The following CYB5A variants were observed in gnomAD, a reference collection of about 807,000 sequenced individuals.
The protein encoded by CYB5A is cytochrome b5 type A, also known as cytochrome b5.
Under a neutral mutation model 16.2 loss-of-function variants are expected in CYB5A, and 10 were observed. The observed-to-expected ratio is 0.62, with a 90% confidence interval of 0.38 to 1.04. The LOEUF (loss-of-function observed/expected upper bound fraction) is 1.04. CYB5A is among the 50% of genes least tolerant of loss of function. The pLI, the probability that CYB5A is intolerant of heterozygous loss-of-function variation, is 0.01. For missense variants in CYB5A, 161 were observed against 165.9 expected (o/e 0.97, Z 0.16); for synonymous variants, 62 against 57.0 (o/e 1.09, Z -0.40).
intron 3 of CYB5A, chr18:74,259,409 A>G (rs1191321775): frequency 2.6e-5 from 4 of 152,248 alleles, no homozygotes; most frequent in Non-Finnish European, 5.9e-5. Context: ...ACTTTAAAAT[A>G]GAAAATAAGA....
chr18:74,260,705 T>C (rs1004276121), intron 3 of CYB5A: 36 of 641,100 alleles, frequency 5.6e-5, no homozygotes, highest in Middle Eastern at 2.7e-4. Context: ...CTGACAGCCT[T>C]AAAAAAATTA....
At chr18:74,287,093 T>C (rs1231971172) in intron 1 of CYB5A, among the ~76,000 whole-genome samples, 1 of 152,170 alleles carries the variant, frequency 6.6e-6, no homozygotes, top group Non-Finnish European at 1.5e-5. Context: ...TTACCCAAGA[T>C]GCCTAAGCCA....
intron 3 of CYB5A, chr18:74,259,918 T>G (rs184527249): frequency 4.1e-5 from 6 of 148,114 alleles, no homozygotes; most frequent in African/African-American, 1.5e-4. Flanking sequence ...ACATTGAACT[T>G]AAGTCTTTCT....
chr18:74,261,631 A>G (rs1982202924), intron 2 of CYB5A: 1 of 152,762 alleles, frequency 6.5e-6, no homozygotes, highest in Non-Finnish European at 1.5e-5. Flanking sequence ...ACTCCCTCAA[A>G]GTACATATCT....
At chr18:74,264,479 T>C (rs774304512) in intron 1 of CYB5A, among the ~76,000 whole-genome samples, 8 of 33,802 alleles carry the variant, frequency 2.4e-4, no homozygotes, top group Non-Finnish European at 6.8e-4. Context: ...AAGATGACGA[T>C]TCACAAGAGG....
At chr18:74,289,107 T>C (rs1983431160) in intron 1 of CYB5A, among the ~76,000 whole-genome samples, 1 of 152,196 alleles carries the variant, frequency 6.6e-6, no homozygotes. Flanking sequence ...ACTCACGCCA[T>C]CCTCCTAGCC....
intron 1 of CYB5A, among the ~76,000 whole-genome samples, chr18:74,268,209 T>C (rs994131950): frequency 8.5e-5 from 13 of 152,238 alleles, no homozygotes; most frequent in African/African-American, 2.9e-4. Flanking sequence ...AAAGGAAATG[T>C]CCTCAGGTGA....
chr18:74,286,624 CA>C (rs1234503746), intron 1 of CYB5A, among the ~76,000 whole-genome samples: 1 of 152,200 alleles, frequency 6.6e-6, no homozygotes, highest in Admixed American at 6.5e-5. Context: ...TGCCCAAGGT[CA>C]CCTCCATGAT....
rs1278170947 is a variant in CYB5A at position 74,264,490 on chromosome 18, C to CAG, written c.130-1014_130-1013insCT. Among the ~76,000 whole-genome samples the CAG allele has an allele frequency of 3.1e-4, 5 of 15,928 alleles. No individual in the cohort carries two copies. The Non-Finnish European group carries it at 4.7e-3, about 15-fold the overall frequency. The allele number at this position is 15,928 out of a possible 152,430, so 10.4% of individuals were successfully genotyped here. On this transcript the variant is annotated intron_variant, in intron 1 of 4. Transcript: ENST00000340533. Reference sequence around the variant, plus strand: ...GCCTAAGATGACGATTCACAAGAGGCACGTGTGTCACTTCCCTCTGGAAAG... The same window carrying CAG: ...GCCTAAGATGACGATTCACAAGAGGCAGACGTGTGTCACTTCCCTCTGGAAAG...
intron 1 of CYB5A, among the ~76,000 whole-genome samples, chr18:74,266,736 G>A (rs1982448229): frequency 1.1e-5 from 1 of 87,294 alleles, no homozygotes; most frequent in African/African-American, 4.0e-5. Context: ...ACCATTTGTG[G>A]GGCAATTTTC....
intron 1 of CYB5A, among the ~76,000 whole-genome samples, chr18:74,274,181 C>T (rs1982778924): frequency 6.6e-6 from 1 of 152,202 alleles, no homozygotes; most frequent in Admixed American, 6.5e-5. Context: ...TCACAGTCAG[C>T]TGTAAAATAA....
At chr18:74,254,208 A>G (rs1981877064) in intron 4 of CYB5A, among the ~76,000 whole-genome samples, 1 of 152,082 alleles carries the variant, frequency 6.6e-6, no homozygotes, top group African/African-American at 2.4e-5. Context: ...AAACAAACCA[A>G]AAAATGAATG....
intron 1 of CYB5A, among the ~76,000 whole-genome samples, chr18:74,290,267 C>T (rs1383319826): frequency 6.6e-6 from 1 of 152,096 alleles, no homozygotes; most frequent in Non-Finnish European, 1.5e-5. Context: ...TATTTAGAGA[C>T]AGAGTCTCAC....
rs1395527907 is a variant in CYB5A, at chr18:74,284,659, C to G, written c.129+7088G>C. ...TTCAAGTGATTCCATTTCAGACAGG[C>G]TCCCGTGCCCACCAGCCAGGCAGAG... On this transcript the variant is annotated intron_variant, in intron 1 of 4. Coordinates refer to ENST00000340533, the MANE Select transcript of CYB5A (RefSeq NM_148923.4). Among the ~76,000 whole-genome samples the G allele has an allele frequency of 2.6e-5, 4 of 152,184 alleles. No homozygotes were observed. In the East Asian group the frequency reaches 7.7e-4, roughly 29 times the overall value.
chr18:74,279,795 C>T (rs1983022152), intron 1 of CYB5A, among the ~76,000 whole-genome samples: 2 of 152,112 alleles, frequency 1.3e-5, no homozygotes, highest in African/African-American at 2.4e-5. Context: ...AGCAGCCATT[C>T]CACATCAGCT....
intron 1 of CYB5A, among the ~76,000 whole-genome samples, chr18:74,287,784 G>C (rs1002338624): frequency 6.6e-6 from 1 of 152,188 alleles, no homozygotes; most frequent in African/African-American, 2.4e-5. Flanking sequence ...GCTAATGGAA[G>C]TGTTGTTAAT....
chr18:74,255,988 G>T (rs1246494917), intron 3 of CYB5A: 1 of 547,484 alleles, frequency 1.8e-6, no homozygotes, highest in East Asian at 3.1e-5. Context: ...TTTACTTAAG[G>T]ACATAACCTC....
chr18:74,272,032 A>C (rs1174275504), intron 1 of CYB5A, among the ~76,000 whole-genome samples: 1 of 152,216 alleles, frequency 6.6e-6, no homozygotes, highest in Non-Finnish European at 1.5e-5. Context: ...TAAGTGTTAG[A>C]AATAAAAGAT....
At chr18:74,265,318 T>TAC (rs1031530315) in intron 1 of CYB5A, among the ~76,000 whole-genome samples, 10 of 152,080 alleles carry the variant, frequency 6.6e-5, no homozygotes, top group Non-Finnish European at 1.0e-4. Flanking sequence ...GAGCCAGACA[T>TAC]ACACACACAC....
Sources: allele counts gnomAD v4.1 joint callset (sites outside exome capture counted in the v4.1 genomes callset), GRCh38; gene constraint gnomAD v4.1.1; transcripts MANE v1.5; gene names NCBI Gene and HGNC (gene_info 2026-07-23, HGNC 2026-07-21).